The following PRKG1 variants were observed in gnomAD, a reference collection of about 807,000 sequenced individuals.
PRKG1 encodes the protein protein kinase cGMP-dependent 1.
A neutral mutation model predicts 88.1 loss-of-function variants in PRKG1; 35 were observed. The observed-to-expected ratio is 0.40, with a 90% CI of 0.30 to 0.53. The LOEUF (loss-of-function observed/expected upper bound fraction) is 0.53. Ranked by LOEUF, PRKG1 falls within the 20% of genes least tolerant of loss-of-function variation. The pLI is 0.59. For missense variants in PRKG1, 540 were observed against 839.8 expected (o/e 0.64, Z 4.41); for synonymous variants, 303 against 292.5 (o/e 1.04, Z -0.37).
At chr10:51,129,423 C>A (rs141822320) in intron 1 of PRKG1, among the ~76,000 whole-genome samples, 1 of 150,408 alleles carries the variant, frequency 6.6e-6, no homozygotes, top group Non-Finnish European at 1.5e-5. Flanking sequence ...CCAGCCTGTG[C>A]GATAGAGTGA....
intron 2 of PRKG1, among the ~76,000 whole-genome samples, chr10:51,367,066 A>T (rs996512768): frequency 1.3e-5 from 2 of 151,872 alleles, no homozygotes; most frequent in African/African-American, 2.4e-5. Flanking sequence ...CCAGTGAGGG[A>T]TTACCCATTT....
chr10:51,953,058 C>A (rs879260565), intron 5 of PRKG1, among the ~76,000 whole-genome samples: 5 of 152,082 alleles, frequency 3.3e-5, no homozygotes, highest in Non-Finnish European at 5.9e-5. Flanking sequence ...ATTTCTTTAG[C>A]TTTTTCTGTC....
rs1757930452 is a variant in PRKG1 at position 51,427,398 on chromosome 10, T to C, written c.479-40325T>C. ...CAAAGTTCCAAGGTGAGTTCTTACC[T>C]TGATCAGCAAAGACAACATGAACCA... On this transcript the variant is annotated intron_variant, in intron 2 of 17. Transcript: ENST00000373980. Among the ~76,000 whole-genome samples, 4 of 152,310 alleles carry C rather than the reference T, an allele frequency of 2.6e-5. No homozygotes were observed. The South Asian group carries it at 8.3e-4, about 32-fold the overall frequency.
chr10:51,980,451 G>C (rs147633287), intron 5 of PRKG1, among the ~76,000 whole-genome samples: 2 of 152,210 alleles, frequency 1.3e-5, no homozygotes, highest in African/African-American at 4.8e-5. Flanking sequence ...AGAATGTATA[G>C]TCTGTTATTT....
intron 2 of PRKG1, among the ~76,000 whole-genome samples, chr10:51,390,421 A>G (rs1175613054): frequency 6.6e-6 from 1 of 152,226 alleles, no homozygotes; most frequent in Admixed American, 6.5e-5. Flanking sequence ...CAATATGTTT[A>G]CATACAATTC....
At chr10:51,830,015 T>C (rs2132749638) in intron 4 of PRKG1, among the ~76,000 whole-genome samples, 1 of 152,304 alleles carries the variant, frequency 6.6e-6, no homozygotes, top group South Asian at 2.1e-4. Context: ...TCTATAGTTA[T>C]GGTACCTATC....
At chr10:52,241,846 T>C (rs190668251) in intron 9 of PRKG1, among the ~76,000 whole-genome samples, 1 of 152,340 alleles carries the variant, frequency 6.6e-6, no homozygotes, top group African/African-American at 2.4e-5. Context: ...AGGTTTAAGA[T>C]TAAATGTTTC....
rs541158417 is a variant in PRKG1 at position 51,938,312 on chromosome 10, T to G, written c.762+30742T>G. Among the ~76,000 whole-genome samples, 10 of 152,188 alleles carry G rather than the reference T, an allele frequency of 6.6e-5. No individual in the cohort carries two copies. In the South Asian group the frequency reaches 1.4e-3, roughly 22 times the overall value. On this transcript the variant is annotated intron_variant, in intron 5 of 17. Transcript: ENST00000373980. ...TGCTTAATTTATAAATTAAACTTTA[T>G]CACAGGTAGGTTTGTATAGGAGAAA...
intron 3 of PRKG1, among the ~76,000 whole-genome samples, chr10:51,590,526 AATT>A (rs1335520883): frequency 6.6e-6 from 1 of 152,210 alleles, no homozygotes; most frequent in Non-Finnish European, 1.5e-5. Flanking sequence ...CAGTGAAGAA[AATT>A]ATTCTGTCAC....
At chr10:52,098,864 A>ATC (rs1847233513) in intron 7 of PRKG1, among the ~76,000 whole-genome samples, 1 of 152,206 alleles carries the variant, frequency 6.6e-6, no homozygotes, top group Non-Finnish European at 1.5e-5. Flanking sequence ...TAAGTATCTA[A>ATC]ATAACAAACC....
chr10:51,553,818 G>T (rs1448798817), intron 3 of PRKG1, among the ~76,000 whole-genome samples: 3 of 105,002 alleles, frequency 2.9e-5, no homozygotes, highest in East Asian at 3.7e-4. Flanking sequence ...GTATGTATTA[G>T]ATACGTGTAT....
chr10:51,489,519 G>C (rs541299985), intron 3 of PRKG1, among the ~76,000 whole-genome samples: 2 of 152,214 alleles, frequency 1.3e-5, no homozygotes, highest in South Asian at 2.1e-4. Flanking sequence ...ATTCAAAAAG[G>C]GAGATTTAAC....
chr10:51,129,141 TCAC>T, intron 1 of PRKG1, among the ~76,000 whole-genome samples: 1 of 152,184 alleles, frequency 6.6e-6, no homozygotes, highest in Non-Finnish European at 1.5e-5. Flanking sequence ...AGTATCTTTA[TCAC>T]CACCTCCAAG....
chr10:51,242,061 A>G (rs1839169206), intron 2 of PRKG1, among the ~76,000 whole-genome samples: 1 of 152,176 alleles, frequency 6.6e-6, no homozygotes, highest in Non-Finnish European at 1.5e-5. Flanking sequence ...CCCAGAACTG[A>G]AATTCAAATA....
chr10:51,133,898 A>G (rs1240838648), intron 1 of PRKG1, among the ~76,000 whole-genome samples: 3 of 152,212 alleles, frequency 2.0e-5, no homozygotes, highest in African/African-American at 7.2e-5. Flanking sequence ...AAAGCCTAAA[A>G]TCAACAACAT....
rs1452724951 is a variant in PRKG1 at position 51,695,615 on chromosome 10, T to C, written c.593-108970T>C. 3 of 152,308 alleles carry C rather than the reference T, an allele frequency of 2.0e-5. No individual in the cohort carries two copies. The East Asian group carries it at 5.8e-4, about 29-fold the overall frequency. The allele number at this position is 152,308 out of a possible 1,614,324, so 9.4% of individuals were successfully genotyped here. On this transcript the variant is annotated intron_variant, in intron 3 of 17. Coordinates refer to ENST00000373980, the MANE Select transcript of PRKG1 (RefSeq NM_006258.4). Reference sequence around the variant, plus strand: ...AGATAAAGCAACTAGAATCTCAAAATGATCGAGCCAACTCTGTGAATTAGT... The same window carrying C: ...AGATAAAGCAACTAGAATCTCAAAACGATCGAGCCAACTCTGTGAATTAGT...
In PRKG1 at chr10:52,053,961, T is replaced by A. The variant is rs572430446; in HGVS notation, c.763-523T>A. 5.9e-5 allele frequency among the ~76,000 whole-genome samples: 9 copies of A among 152,234 alleles called. No individual in the cohort carries two copies. In the South Asian group the frequency reaches 1.7e-3, roughly 28 times the overall value. The stretch of plus-strand genomic sequence containing the variant: ...ATTTTTACATGCTGCAACAATTTCT[T>A]AGGAGAAAAAGGCTCTAATTATGAG... On this transcript the variant is annotated intron_variant, in intron 5 of 17. Transcript: ENST00000373980.
At chr10:51,980,534 T>C (rs1843980633) in intron 5 of PRKG1, among the ~76,000 whole-genome samples, 3 of 152,176 alleles carry the variant, frequency 2.0e-5, no homozygotes, top group African/African-American at 7.2e-5. Flanking sequence ...TTCAATATCT[T>C]TGTTAATTTT....
Position 51,557,940 on chromosome 10 carries a change from A to C in PRKG1, c.592+90104A>C, listed in dbSNP as rs114317499. Among the ~76,000 whole-genome samples the C allele has an allele frequency of 4.6e-3, 704 of 152,224 alleles. 7 individuals carry two copies. The highest frequency in any genetic ancestry group is 0.016 in the African/African-American group (662 of 41,572). On this transcript the variant is annotated intron_variant, in intron 3 of 17. Coordinates refer to ENST00000373980, the MANE Select transcript of PRKG1 (RefSeq NM_006258.4). ...AATTTAAAAGTAAAAATCAATAGAAATATTGGATTCAATATGCAGTTTTCA... is the reference window on the plus strand; with the variant it reads ...AATTTAAAAGTAAAAATCAATAGAACTATTGGATTCAATATGCAGTTTTCA...
Sources: gnomAD v4.1 joint callset for allele counts (sites outside exome capture counted in the v4.1 genomes callset) on GRCh38, gnomAD v4.1.1 for gene constraint, MANE v1.5 for transcripts, NCBI Gene and HGNC (gene_info 2026-07-23, HGNC 2026-07-21) for gene names.